Variants in NBEA observed in about 807,000 individuals in gnomAD.
NBEA encodes lysosomal-trafficking regulator 2.
In NBEA, 44 loss-of-function variants were observed where a neutral mutation model predicts 343.4. The ratio of observed to expected loss-of-function variants is 0.13; its 90% CI spans 0.10 to 0.16. The LOEUF is 0.16. Among genes scored for constraint, NBEA ranks in the 10% least tolerant of loss-of-function variants. NBEA has a pLI of 1.00. For synonymous variants in NBEA, 1,175 were observed against 1,238.7 expected (o/e 0.95, Z 1.08); for missense variants, 2,555 against 3,631.3 (o/e 0.70, Z 7.62).
chr13:35,320,645 T>C lies in NBEA; in HGVS notation c.5903+11053T>C, dbSNP rs181435393. 2.6e-5 allele frequency among the ~76,000 whole-genome samples: 4 copies of C among 152,294 alleles called. No individual in the cohort carries two copies. In the East Asian group the frequency reaches 7.7e-4, roughly 29 times the overall value. On this transcript the variant is annotated intron_variant, in intron 36 of 58. Coordinates refer to ENST00000379939, the MANE Select transcript of NBEA (RefSeq NM_001385012.1). The stretch of plus-strand genomic sequence containing the variant: ...TCCTGAATTTGAATATTGGCCTGTC[T>C]TGCTAGGTTGGGGAAGTTCTCCTGG...
chr13:35,297,039 T>C (rs1332671112), intron 35 of NBEA, among the ~76,000 whole-genome samples: 1 of 151,996 alleles, frequency 6.6e-6, no homozygotes, highest in Admixed American at 6.6e-5. Context: ...CATATAACTG[T>C]AGTAGAGTAT....
Position 35,503,764 on chromosome 13 carries a change from C to G in NBEA, c.6585+31228C>G, listed in dbSNP as rs141847577. ...GCATATTGGATTATTTATGTTATTG[C>G]TCCTTTGTCAATATAGGTATTATTA... On this transcript the variant is annotated intron_variant, in intron 41 of 58. Transcript: ENST00000379939. 2.6e-5 allele frequency among the ~76,000 whole-genome samples: 4 copies of G among 152,036 alleles called. No homozygotes were observed. The East Asian group carries it at 5.8e-4, about 22-fold the overall frequency.
intron 1 of NBEA, among the ~76,000 whole-genome samples, chr13:35,025,994 G>T: frequency 6.6e-6 from 1 of 151,348 alleles, no homozygotes. Context: ...GATATAATTT[G>T]GCTCTGTGTC....
chr13:35,230,666 A>C (rs1377573962), intron 33 of NBEA, among the ~76,000 whole-genome samples: 1 of 152,056 alleles, frequency 6.6e-6, no homozygotes, highest in Non-Finnish European at 1.5e-5. Context: ...TTCAAAAAAG[A>C]ATCTCTTTGT....
chr13:35,575,248 C>T (rs2080678505), intron 45 of NBEA, among the ~76,000 whole-genome samples: 1 of 152,114 alleles, frequency 6.6e-6, no homozygotes, highest in African/African-American at 2.4e-5. Flanking sequence ...TACTGATTTG[C>T]TGAAGTTCAT....
intron 10 of NBEA, among the ~76,000 whole-genome samples, chr13:35,095,753 C>A (rs1000348960): frequency 6.6e-6 from 1 of 151,884 alleles, no homozygotes; most frequent in African/African-American, 2.4e-5. Flanking sequence ...TAATAATCAG[C>A]ATACTTTTGG....
intron 41 of NBEA, among the ~76,000 whole-genome samples, chr13:35,537,634 A>G (rs892713305): frequency 6.6e-6 from 1 of 152,182 alleles, no homozygotes; most frequent in Non-Finnish European, 1.5e-5. Flanking sequence ...TAGGGAGGTC[A>G]GTGGCAAAAA....
chr13:35,128,159 G>A (rs1174360931), intron 17 of NBEA, among the ~76,000 whole-genome samples: 2 of 151,370 alleles, frequency 1.3e-5, no homozygotes, highest in East Asian at 1.9e-4. Context: ...TGGGTGCAGC[G>A]CACCAGCATG....
At chr13:35,473,309 A>T (rs1174240931) in intron 41 of NBEA, among the ~76,000 whole-genome samples, 1 of 152,214 alleles carries the variant, frequency 6.6e-6, no homozygotes, top group East Asian at 1.9e-4. Context: ...ATTCAACAGC[A>T]TGAAGTGTCA....
intron 33 of NBEA, among the ~76,000 whole-genome samples, chr13:35,223,167 T>G (rs1022236381): frequency 6.6e-6 from 1 of 152,146 alleles, no homozygotes; most frequent in Non-Finnish European, 1.5e-5. Context: ...ACACTGCTAT[T>G]TTGCTCTAGA....
chr13:35,049,216 A>G (rs1593584399), intron 5 of NBEA, among the ~76,000 whole-genome samples: 2 of 151,936 alleles, frequency 1.3e-5, no homozygotes, highest in Admixed American at 1.3e-4. Context: ...TTAGTATGCC[A>G]GTAATACACA....
chr13:35,660,519 C>A (rs961665322), intron 55 of NBEA, among the ~76,000 whole-genome samples: 14 of 152,124 alleles, frequency 9.2e-5, no homozygotes, highest in African/African-American at 3.1e-4. Context: ...TGCAGACTGT[C>A]AAAGGAGAAG....
chr13:35,515,954 G>A (rs943157292), intron 41 of NBEA, among the ~76,000 whole-genome samples: 5 of 152,106 alleles, frequency 3.3e-5, no homozygotes, highest in African/African-American at 9.7e-5. Flanking sequence ...TATCCTTCTG[G>A]TTGCAGAATG....
At chr13:35,167,112 C>CAGT (rs1339342088) in intron 24 of NBEA, among the ~76,000 whole-genome samples, 1 of 151,884 alleles carries the variant, frequency 6.6e-6, no homozygotes, top group Non-Finnish European at 1.5e-5. Context: ...TGGTTTATGG[C>CAGT]AGTAGTTCAC....
At chr13:35,372,976 G>A (rs968721908) in intron 38 of NBEA, among the ~76,000 whole-genome samples, 2 of 152,164 alleles carry the variant, frequency 1.3e-5, no homozygotes, top group Non-Finnish European at 1.5e-5. Context: ...CTCTGGCAGT[G>A]TAATCACATT....
chr13:35,485,966 A>G (rs2076289388), intron 41 of NBEA, among the ~76,000 whole-genome samples: 1 of 152,020 alleles, frequency 6.6e-6, no homozygotes, highest in Non-Finnish European at 1.5e-5. Flanking sequence ...GTGTATTTGA[A>G]CTCTGCGTAT....
At chr13:35,342,270 T>C (rs117781769) in intron 36 of NBEA, among the ~76,000 whole-genome samples, 5,345 of 152,204 alleles carry the variant, frequency 0.035, 137 homozygotes, top group Non-Finnish European at 0.054. Flanking sequence ...TCTAGACTTA[T>C]ATAGTTCGTG....
At chr13:35,257,226 G>T (rs895653133) in intron 34 of NBEA, among the ~76,000 whole-genome samples, 3 of 152,220 alleles carry the variant, frequency 2.0e-5, no homozygotes, top group African/African-American at 7.2e-5. Flanking sequence ...AGTTTAACTT[G>T]TTAGCATTTT....
At chr13:35,426,839 T>A (rs2044710940) in intron 38 of NBEA, among the ~76,000 whole-genome samples, 1 of 152,204 alleles carries the variant, frequency 6.6e-6, no homozygotes, top group Admixed American at 6.5e-5. Flanking sequence ...GAGGCTTTGT[T>A]CGTTTCTTTT....
Sources: allele counts gnomAD v4.1 joint callset (sites outside exome capture counted in the v4.1 genomes callset), GRCh38; gene constraint gnomAD v4.1.1; transcripts MANE v1.5; gene names NCBI Gene and HGNC (gene_info 2026-07-23, HGNC 2026-07-21).